The following KLRF2 variants were observed in gnomAD, a reference collection of about 807,000 sequenced individuals.
KLRF2 encodes the protein killer cell lectin like receptor F2, also known as killer cell lectin-like receptor subfamily F member 2.
Under a neutral mutation model 25.3 loss-of-function variants are expected in KLRF2, and 28 were observed. The ratio of observed to expected loss-of-function variants is 1.11; its 90% CI spans 0.82 to 1.52. The LOEUF is 1.52. Among genes scored for constraint, KLRF2 ranks in the 40% most tolerant of loss-of-function variants. The pLI, the probability that KLRF2 is intolerant of heterozygous loss-of-function variation, is 0.00. For missense variants in KLRF2, 265 were observed against 245.8 expected (o/e 1.08, Z -0.52); for synonymous variants, 73 against 85.0 (o/e 0.86, Z 0.78).
At chr12:9,893,831 T>C (rs2137004848) in intron 5 of KLRF2, among the ~76,000 whole-genome samples, 2 of 152,284 alleles carry the variant, frequency 1.3e-5, no homozygotes, top group Admixed American at 1.3e-4. Context: ...TTTAAATTTC[T>C]AAGCTGATTT....
intron 5 of KLRF2, among the ~76,000 whole-genome samples, chr12:9,894,171 GTTTCTTTCTTTC>G (rs200285327): frequency 8.9e-5 from 7 of 78,658 alleles, no homozygotes; most frequent in Admixed American, 7.7e-4. Context: ...TTCCTTCTTT[GTTTCTTTCTTTC>G]TTTCTTTCTT....
In KLRF2 at chr12:9,881,535, G is replaced by A; in HGVS notation, c.-61G>A. 3.3e-6 allele frequency: 4 copies of A among 1,228,726 alleles called. No homozygotes were observed. Among genetic ancestry groups the A allele is most frequent in the Non-Finnish European group, 4.6e-6 (4 of 870,186 alleles). The allele number at this position is 1,228,726 out of a possible 1,614,324, so 76.1% of individuals were successfully genotyped here. A position where few individuals can be genotyped will look rare whatever the true frequency, so the allele number is the denominator to read the frequency against. On this transcript the variant is annotated 5_prime_UTR_variant, in exon 1 of 6. Coordinates refer to ENST00000535540, the MANE Select transcript of KLRF2 (RefSeq NM_001190765.1). ...GCCAAAGAGACATATCCAAGGTTGA[G>A]ATTAGTTTCCATTTTCTTTGTACTA...
At chr12:9,894,821 A>G (rs546425909) in intron 5 of KLRF2, among the ~76,000 whole-genome samples, 16 of 152,192 alleles carry the variant, frequency 1.1e-4, no homozygotes, top group East Asian at 3.9e-4. Context: ...GCAATATTTG[A>G]AAAAAAGTAA....
chr12:9,892,974 T>C, intron 3 of KLRF2, 46 bp from the exon 4 acceptor site: 1 of 1,421,954 alleles, frequency 7.0e-7, no homozygotes, highest in Non-Finnish European at 9.5e-7. Flanking sequence ...CTATCTTCCC[T>C]GTTGGCTGTA....
intron 5 of KLRF2, among the ~76,000 whole-genome samples, chr12:9,894,030 C>T (rs1359459710): frequency 6.6e-6 from 1 of 151,794 alleles, no homozygotes; most frequent in Non-Finnish European, 1.5e-5. Context: ...TTCTTTTCTT[C>T]TCTTTCTTTT....
chr12:9,894,046 C>T (rs571135), intron 5 of KLRF2, among the ~76,000 whole-genome samples: 2 of 150,986 alleles, frequency 1.3e-5, no homozygotes, highest in Admixed American at 6.6e-5. Context: ...CTTTTTCTTT[C>T]TTTCTTTCTC....
intron 3 of KLRF2, among the ~76,000 whole-genome samples, chr12:9,891,794 A>C (rs547550051): frequency 4.5e-4 from 68 of 152,288 alleles, no homozygotes; most frequent in African/African-American, 1.6e-3. Context: ...ACCTTCTTCA[A>C]ATTATACTTG....
At chr12:9,895,603 C>G (rs1862747433) in intron 5 of KLRF2, 86 bp from the exon 6 acceptor site, 5 of 1,266,210 alleles carry the variant, frequency 3.9e-6, no homozygotes, top group Non-Finnish European at 4.2e-6. Context: ...GAAGAATTAC[C>G]TATAAAAGTT....
intron 3 of KLRF2, among the ~76,000 whole-genome samples, chr12:9,892,661 C>T (rs34966666): frequency 0.01 from 1,509 of 150,182 alleles, 17 homozygotes; most frequent in Admixed American, 0.016. Context: ...CACGGCTCAC[C>T]GCAACCTCCA....
intron 5 of KLRF2, among the ~76,000 whole-genome samples, chr12:9,894,017 TTTTTC>T (rs1329882487): frequency 6.6e-6 from 1 of 151,722 alleles, no homozygotes; most frequent in East Asian, 1.9e-4. Context: ...TATCCATTTC[TTTTTC>T]TTTTCTTCTC....
intron 1 of KLRF2, among the ~76,000 whole-genome samples, chr12:9,884,423 A>G (rs1326224449): frequency 6.6e-6 from 1 of 151,686 alleles, no homozygotes; most frequent in Non-Finnish European, 1.5e-5. Flanking sequence ...CAGTACAGTG[A>G]CTGGTATATA....
chr12:9,881,623 C>T lies in KLRF2; in HGVS notation c.28C>T (p.Leu10=). The T allele has an allele frequency of 1.3e-6, 2 of 1,535,412 alleles. No individual in the cohort carries two copies. The highest frequency in any genetic ancestry group is 8.7e-7 in the Non-Finnish European group (1 of 1,146,386). ...GGAGAATGAAGATGGGTATATGACGCTGAGTTTCAAGAATCGTTGTAAATC... is the reference window on the plus strand; with the variant it reads ...GGAGAATGAAGATGGGTATATGACGTTGAGTTTCAAGAATCGTTGTAAATC... MENEDGYMT[L]SFKNRCKSKQ... is the part of the protein sequence containing the mutation. The change falls in exon 1 of 6, where the codon CTG becomes TTG. Residue 10 remains leucine, a synonymous_variant. Coordinates refer to ENST00000535540, the MANE Select transcript of KLRF2 (RefSeq NM_001190765.1).
chr12:9,887,910 G>C (rs1454062094), intron 2 of KLRF2, among the ~76,000 whole-genome samples: 1 of 151,538 alleles, frequency 6.6e-6, no homozygotes, highest in East Asian at 1.9e-4. Context: ...ACAAAAATTA[G>C]CTGGGTGTGG....
rs1293312611 is a variant in KLRF2, at chr12:9,881,571, A to G, written c.-25A>G. On this transcript the variant is annotated 5_prime_UTR_variant, in exon 1 of 6. The change creates a new upstream start codon in the 5' untranslated region. Transcript: ENST00000535540. The stretch of plus-strand genomic sequence containing the variant: ...ATTTTCTTTGTACTATTTTCTGGAT[A>G]ATAAGACATTAGACATTTGAAGAGA... 10 of 1,461,316 alleles carry G rather than the reference A, an allele frequency of 6.8e-6. No homozygotes were observed. The highest frequency in any genetic ancestry group is 9.3e-6 in the Non-Finnish European group (10 of 1,079,314). The allele number at this position is 1,461,316 out of a possible 1,614,324, so 90.5% of individuals were successfully genotyped here.
At position 9,888,772 on chromosome 12, in the gene KLRF2, G is replaced by A; in HGVS notation, c.209G>A (p.Ser70Asn). Residue 70 changes from serine (S) to asparagine (N), a missense_variant, in exon 3 of 6, where the codon AGT becomes AAT. Ser to Asn is a conservative substitution (Grantham distance 46). Coordinates refer to ENST00000535540, the MANE Select transcript of KLRF2 (RefSeq NM_001190765.1). Reference protein sequence around the residue: ...MDFSQNVNVSSLSGHNYLCPN... With the variant: ...MDFSQNVNVSNLSGHNYLCPN... Reference sequence around the variant, plus strand: ...TTCTCCCAGAATGTAAACGTCAGCAGTCTATCAGGTAATACTCTTTTTGTT... The same window carrying A: ...TTCTCCCAGAATGTAAACGTCAGCAATCTATCAGGTAATACTCTTTTTGTT... 6.7e-7 allele frequency: 1 copy of A among 1,500,630 alleles called. No individual in the cohort carries two copies. The highest frequency in any genetic ancestry group is 2.0e-5 in the Admixed American group (1 of 50,936). The allele number at this position is 1,500,630 out of a possible 1,614,324, so 93.0% of individuals were successfully genotyped here.
At chr12:9,892,224 C>T (rs894607105) in intron 3 of KLRF2, among the ~76,000 whole-genome samples, 10 of 151,788 alleles carry the variant, frequency 6.6e-5, no homozygotes, top group African/African-American at 1.5e-4. Flanking sequence ...AAAAAGTTAG[C>T]GGGTAAAGAA....
chr12:9,887,068 C>T (rs1418428506), intron 2 of KLRF2, among the ~76,000 whole-genome samples: 1 of 151,578 alleles, frequency 6.6e-6, no homozygotes, highest in Non-Finnish European at 1.5e-5. Context: ...TCAAAAAATG[C>T]CTATTTATCC....
chr12:9,884,547 C>A (rs1015947720), intron 1 of KLRF2, among the ~76,000 whole-genome samples: 4 of 149,248 alleles, frequency 2.7e-5, no homozygotes, highest in Non-Finnish European at 5.9e-5. Flanking sequence ...ATATATTATT[C>A]TTTCTATATA....
chr12:9,888,617 A>G (rs1862634821), intron 2 of KLRF2, 116 bp from the exon 3 acceptor site: 1 of 588,802 alleles, frequency 1.7e-6, no homozygotes, highest in Admixed American at 2.6e-5. Flanking sequence ...AGGAGAAGAG[A>G]AACTCACAAT....
Sources: allele counts gnomAD v4.1 joint callset (sites outside exome capture counted in the v4.1 genomes callset), GRCh38; gene constraint gnomAD v4.1.1; transcripts MANE v1.5; gene names NCBI Gene and HGNC (gene_info 2026-07-23, HGNC 2026-07-21).